Variants in C13orf46 observed in about 807,000 individuals in gnomAD.
C13orf46 encodes uncharacterized protein C13orf46.
intron 1 of C13orf46, among the ~76,000 whole-genome samples, chr13:113,972,060 G>A (rs577618165): frequency 3.9e-5 from 6 of 152,284 alleles, no homozygotes; most frequent in South Asian, 2.1e-4. Context: ...ACCTCCCATC[G>A]TGCAGTTTTG....
At chr13:113,940,065 C>T in the C13orf46 span, among the ~76,000 whole-genome samples, 3 of 152,212 alleles carry the variant, frequency 2.0e-5, no homozygotes, top group African/African-American at 7.2e-5. Flanking sequence ...CCTCAGAGGC[C>T]CCAAGAGGCT....
At chr13:113,973,286 C>T (rs951451096) in intron 1 of C13orf46, among the ~76,000 whole-genome samples, 3 of 152,162 alleles carry the variant, frequency 2.0e-5, no homozygotes, top group African/African-American at 7.2e-5. Context: ...TGCACGTGGA[C>T]AGCTGACCGT....
chr13:113,926,833 G>C, the C13orf46 span: 1 of 152,212 alleles, frequency 6.6e-6, no homozygotes, highest in Non-Finnish European at 1.5e-5. Context: ...TCACATTACT[G>C]AGACGATTCT....
At chr13:113,937,118 G>C in the C13orf46 span, among the ~76,000 whole-genome samples, 1 of 152,204 alleles carries the variant, frequency 6.6e-6, no homozygotes, top group Admixed American at 6.5e-5. Context: ...AATAATTAAG[G>C]GCAGTTTGAA....
chr13:113,940,543 T>TCTC, the C13orf46 span, among the ~76,000 whole-genome samples: 1,142 of 94,380 alleles, frequency 0.012, 19 homozygotes, highest in Middle Eastern at 0.027. Flanking sequence ...GAGACCCTGG[T>TCTC]CTCTGGGACT....
intron 1 of C13orf46, among the ~76,000 whole-genome samples, chr13:113,973,262 T>C (rs2052727656): frequency 6.6e-6 from 1 of 151,842 alleles, no homozygotes; most frequent in Non-Finnish European, 1.5e-5. Flanking sequence ...TTTTGTGGAG[T>C]TTCACGCTGG....
chr13:113,961,323 A>G (rs1406651748), intron 6 of C13orf46, among the ~76,000 whole-genome samples: 1 of 151,952 alleles, frequency 6.6e-6, no homozygotes, highest in Non-Finnish European at 1.5e-5. Context: ...CATAATTTTG[A>G]TAATGTCCAA....
intron 5 of C13orf46, among the ~76,000 whole-genome samples, chr13:113,965,755 G>GGTGA (rs2052632296): frequency 6.2e-5 from 2 of 32,504 alleles, no homozygotes; most frequent in Non-Finnish European, 1.1e-4. Flanking sequence ...GGTGATGATG[G>GGTGA]TGATGGTGAT....
chr13:113,973,571 A>AC (rs1257883162), intron 1 of C13orf46, among the ~76,000 whole-genome samples: 3 of 151,886 alleles, frequency 2.0e-5, no homozygotes, highest in African/African-American at 7.3e-5. Flanking sequence ...GAACCGACGT[A>AC]CCCCCTCACA....
chr13:113,960,098 A>C (rs979649720), intron 6 of C13orf46, among the ~76,000 whole-genome samples: 2 of 149,692 alleles, frequency 1.3e-5, no homozygotes, highest in East Asian at 3.9e-4. Context: ...TAAAAATACA[A>C]AAAAAAAAAT....
chr13:113,971,602 C>A lies in C13orf46; in HGVS notation c.191-1380G>T, dbSNP rs75367912. Among the ~76,000 whole-genome samples the A allele has an allele frequency of 2.3e-3, 355 of 152,326 alleles. 10 individuals carry two copies. In the East Asian group the frequency reaches 0.059, roughly 25 times the overall value. ...CTGGTCTCCTGTGCTCCGCATGGCC[C>A]AGGCCCAGACACACCCCACTGGTGC... On this transcript the variant is annotated intron_variant, in intron 1 of 6. Transcript: ENST00000636427.
At chr13:113,971,690 G>A (rs953584552) in intron 1 of C13orf46, among the ~76,000 whole-genome samples, 1 of 152,160 alleles carries the variant, frequency 6.6e-6, no homozygotes, top group African/African-American at 2.4e-5. Context: ...AAGTGGACGC[G>A]GCGTCTCACA....
chr13:113,965,746 G>A lies in C13orf46; in HGVS notation c.505-752C>T, dbSNP rs900004117. Among the ~76,000 whole-genome samples the A allele has an allele frequency of 6.7e-4, 98 of 145,540 alleles. 3 individuals are homozygous for A. The highest frequency in any genetic ancestry group is 2.2e-3 in the African/African-American group (87 of 38,882). On this transcript the variant is annotated intron_variant, in intron 5 of 6. Transcript: ENST00000636427. Reference sequence around the variant, plus strand: ...GGTGATGATGGTGAAGGTGATGATGGTGATGATGGTGATGGTGATGATGGT... The same window carrying A: ...GGTGATGATGGTGAAGGTGATGATGATGATGATGGTGATGGTGATGATGGT...
chr13:113,966,022 A>G (rs2052640040), intron 5 of C13orf46, among the ~76,000 whole-genome samples: 1 of 149,320 alleles, frequency 6.7e-6, no homozygotes, highest in African/African-American at 2.5e-5. Context: ...GGTGGTGATG[A>G]TGGTCATGAT....
intron 1 of C13orf46, among the ~76,000 whole-genome samples, chr13:113,971,208 G>A (rs2052701584): frequency 6.6e-6 from 1 of 152,186 alleles, no homozygotes; most frequent in South Asian, 2.1e-4. Context: ...CCTTGGCCCG[G>A]GATTCAAATA....
intron 6 of C13orf46, among the ~76,000 whole-genome samples, chr13:113,964,498 A>G (rs901022847): frequency 6.6e-6 from 1 of 152,158 alleles, no homozygotes; most frequent in Non-Finnish European, 1.5e-5. Context: ...TGGCTGTGAC[A>G]CCAGCCGTGT....
At chr13:113,967,975 G>A (rs2052666534) in intron 4 of C13orf46, among the ~76,000 whole-genome samples, 1 of 152,222 alleles carries the variant, frequency 6.6e-6, no homozygotes, top group African/African-American at 2.4e-5. Context: ...GGCAGTGTCT[G>A]GGGGTGGGTG....
the C13orf46 span, among the ~76,000 whole-genome samples, chr13:113,931,873 A>G: frequency 1.3e-5 from 2 of 152,190 alleles, no homozygotes; most frequent in South Asian, 2.1e-4. Flanking sequence ...AAGTTTTGAC[A>G]TTCTGCTGCA....
chr13:113,973,243 C>G (rs545698835), intron 1 of C13orf46, among the ~76,000 whole-genome samples: 26 of 152,270 alleles, frequency 1.7e-4, no homozygotes, highest in Non-Finnish European at 3.4e-4. Context: ...AGATCTCTGC[C>G]CTAAGCAGTT....
Sources: allele counts gnomAD v4.1 joint callset (sites outside exome capture counted in the v4.1 genomes callset), GRCh38; gene constraint gnomAD v4.1.1; transcripts MANE v1.5; gene names NCBI Gene and HGNC (gene_info 2026-07-23, HGNC 2026-07-21).